MYH13: variants seen among roughly 807,000 people sequenced by gnomAD.
The protein encoded by MYH13 is myosin heavy chain 13, also known as myosin-13.
In MYH13, 177 loss-of-function variants were observed where a neutral mutation model predicts 232.1. That is an observed-to-expected ratio of 0.76 (90% CI 0.67 to 0.86). MYH13 has a LOEUF of 0.86. Among genes scored for constraint, MYH13 ranks in the 40% least tolerant of loss-of-function variants. The pLI, the probability that MYH13 is intolerant of heterozygous loss-of-function variation, is 0.00. For synonymous variants in MYH13, 884 were observed against 923.5 expected (o/e 0.96, Z 0.78); for missense variants, 2,246 against 2,405.9 (o/e 0.93, Z 1.39).
At chr17:10,305,701 T>C (rs1906253549) in intron 37 of MYH13, among the ~76,000 whole-genome samples, 1 of 152,178 alleles carries the variant, frequency 6.6e-6, no homozygotes, top group African/African-American at 2.4e-5. Context: ...GGAGCCCATT[T>C]TAAAATGATT....
intron 7 of MYH13, among the ~76,000 whole-genome samples, chr17:10,359,200 C>T (rs1188618366): frequency 6.6e-6 from 1 of 152,184 alleles, no homozygotes; most frequent in East Asian, 1.9e-4. Context: ...GCCAGGGAAC[C>T]AACCGCGTGA....
chr17:10,307,753 T>A (rs1238605691), intron 35 of MYH13, among the ~76,000 whole-genome samples: 2 of 152,208 alleles, frequency 1.3e-5, no homozygotes, highest in African/African-American at 4.8e-5. Context: ...GACAACCTTG[T>A]TAAAGAACAA....
chr17:10,316,226 C>T (rs1370608194), intron 27 of MYH13, among the ~76,000 whole-genome samples: 2 of 152,244 alleles, frequency 1.3e-5, no homozygotes, highest in South Asian at 2.1e-4. Flanking sequence ...TTTGGGAGGC[C>T]GAGGAGGGTG....
chr17:10,320,649 C>G (rs931699434), intron 24 of MYH13, 153 bp from the exon 25 acceptor site: 1 of 778,032 alleles, frequency 1.3e-6, no homozygotes, highest in African/African-American at 1.8e-5. Context: ...CAAGTCTTGC[C>G]CCTACCTCCC....
rs1184667642 is a variant in MYH13, at chr17:10,307,056, G to A, written c.5178C>T (p.Ser1726=). ...RVQLLHSQNT[S]LINTKKKLEA... is the part of the protein sequence containing the mutation. ...CCAGTTTTTTCTTGGTATTTATCAG[G>A]CTTGTGTTCTACAAGAAGAATTAGA... is the stretch of plus-strand genomic sequence containing the variant. The change falls in exon 36 of 41, where the codon AGC becomes AGT. Residue 1726 remains serine, a synonymous_variant. Transcript: ENST00000252172. 1 of 1,613,784 alleles carries A rather than the reference G, an allele frequency of 6.2e-7. No individual in the cohort carries two copies. The highest frequency in any genetic ancestry group is 8.5e-7 in the Non-Finnish European group (1 of 1,179,874).
intron 30 of MYH13, 42 bp from the exon 31 acceptor site, chr17:10,312,799 A>G: frequency 6.4e-7 from 1 of 1,571,094 alleles, no homozygotes; most frequent in South Asian, 1.2e-5. Context: ...GCAAAGGTGG[A>G]ATATTTCAGT....
Position 10,306,840 on chromosome 17 carries a change from G to T in MYH13, c.5295+99C>A. The T allele has an allele frequency of 2.5e-6, 4 of 1,583,270 alleles. No homozygotes were observed. Among genetic ancestry groups the T allele is most frequent in the Non-Finnish European group, 3.4e-6 (4 of 1,169,904 alleles). On this transcript the variant is annotated intron_variant, in intron 36 of 40. Transcript: ENST00000252172. This position sits in a 1 kb window ranked among gnomAD's most constrained non-coding sequence, Gnocchi z 4.3. ...TCTGGGAAGCCACCACTAACCGATT[G>T]TTGTCATAAGAGATGAAACATACTT...
chr17:10,371,465 C>T (rs891161882), intron 1 of MYH13, among the ~76,000 whole-genome samples: 2 of 152,166 alleles, frequency 1.3e-5, no homozygotes, highest in African/African-American at 2.4e-5. Context: ...TTAATTACAA[C>T]ATTTAATTAA....
chr17:10,363,164 T>G (rs2142275916), intron 3 of MYH13, among the ~76,000 whole-genome samples: 1 of 151,950 alleles, frequency 6.6e-6, no homozygotes, highest in Non-Finnish European at 1.5e-5. Flanking sequence ...GGCTCTGCAC[T>G]CCATGGCTCA....
At chr17:10,327,752 C>A in intron 22 of MYH13, 114 bp downstream of exon 22, 1 of 1,342,904 alleles carries the variant, frequency 7.4e-7, no homozygotes, top group Non-Finnish European at 1.0e-6. Context: ...TCCACATGAC[C>A]ACTGGGTGGC....
chr17:10,321,658 T>G lies in MYH13; in HGVS notation c.2985A>C (p.Lys995Asn), dbSNP rs780799496. 1 of 1,613,794 alleles carries G rather than the reference T, an allele frequency of 6.2e-7. No individual in the cohort carries two copies. Among genetic ancestry groups the G allele is most frequent in the Non-Finnish European group, 8.5e-7 (1 of 1,179,780 alleles). Residue 995 changes from lysine (K) to asparagine (N), a missense_variant, in exon 24 of 41, where the codon AAA becomes AAC. Physicochemically the swap from Lys to Asn is moderately conservative, Grantham distance 94. Coordinates refer to ENST00000252172, the MANE Select transcript of MYH13 (RefSeq NM_003802.3). Reference protein sequence around the residue: ...EMTALEENISKLTKEKKSLQE... With the variant: ...EMTALEENISNLTKEKKSLQE... ...GTAGAGATTTCTTTTCTTTGGTCAATTTGGAAATGTTTTCTTCAAGTGCTG... is the reference window on the plus strand; with the variant it reads ...GTAGAGATTTCTTTTCTTTGGTCAAGTTGGAAATGTTTTCTTCAAGTGCTG...
At chr17:10,305,773 A>G (rs534410765) in intron 37 of MYH13, among the ~76,000 whole-genome samples, 2 of 152,358 alleles carry the variant, frequency 1.3e-5, no homozygotes, top group South Asian at 4.1e-4. Context: ...GGGAACAGTC[A>G]GCAAAGAAAC....
Position 10,345,202 on chromosome 17 carries a change from C to A in MYH13, c.1584G>T (p.Lys528Asn). ...GTCCCAGGCAGCAGTATCTCTCTAC[C>A]TTCTCGATGAGCTCGATGCAGGCAG... ...DLAACIELIEKPMGIFSILEE... is the reference protein window; with the variant it reads ...DLAACIELIENPMGIFSILEE... Residue 528 changes from lysine to asparagine, a missense_variant and splice_region_variant, in exon 15 of 41, where the codon AAG (lysine) becomes AAT (asparagine). Lys to Asn is a moderately conservative substitution (Grantham distance 94). Coordinates refer to ENST00000252172, the MANE Select transcript of MYH13 (RefSeq NM_003802.3). The A allele has an allele frequency of 3.1e-6, 5 of 1,614,080 alleles. No homozygotes were observed. The highest frequency in any genetic ancestry group is 4.2e-6 in the Non-Finnish European group (5 of 1,179,934).
chr17:10,307,726 G>A (rs1437817084), intron 35 of MYH13, among the ~76,000 whole-genome samples: 1 of 152,148 alleles, frequency 6.6e-6, no homozygotes, highest in Non-Finnish European at 1.5e-5. Context: ...CGTTTCCCCA[G>A]TGGAAATAAA....
Position 10,312,770 on chromosome 17 carries a change from G to T in MYH13, c.4182-13C>A. Reference sequence around the variant, plus strand: ...GGCCAGTTTTTTCCTACGAAAACCAGATTTTTTTTTTCCCCTTCGCAAAGG... The same window carrying T: ...GGCCAGTTTTTTCCTACGAAAACCATATTTTTTTTTTCCCCTTCGCAAAGG... On this transcript the variant is annotated splice_polypyrimidine_tract_variant and intron_variant, in intron 30 of 40. Coordinates refer to ENST00000252172, the MANE Select transcript of MYH13 (RefSeq NM_003802.3). 6.3e-7 allele frequency: 1 copy of T among 1,599,788 alleles called. No homozygotes were observed. Among genetic ancestry groups the T allele is most frequent in the Non-Finnish European group, 8.5e-7 (1 of 1,175,020 alleles).
In MYH13 at chr17:10,313,362, T is replaced by A; in HGVS notation, c.3985-8A>T. The stretch of plus-strand genomic sequence containing the variant: ...CGCCATGGCGTTCTTGGCCTGGGAA[T>A]GACAGCGGTGACAAATTGCAAAAAC... On this transcript the variant is annotated splice_region_variant and splice_polypyrimidine_tract_variant and intron_variant, in intron 29 of 40. Coordinates refer to ENST00000252172, the MANE Select transcript of MYH13 (RefSeq NM_003802.3). The A allele has an allele frequency of 6.2e-7, 1 of 1,614,218 alleles. No homozygotes were observed.
intron 2 of MYH13, among the ~76,000 whole-genome samples, chr17:10,367,428 A>AACCTCC (rs2071846136): frequency 6.6e-6 from 1 of 152,156 alleles, no homozygotes; most frequent in South Asian, 2.1e-4. Flanking sequence ...AGCTCACTGC[A>AACCTCC]ACCTCCACCT....
At position 10,309,734 on chromosome 17, in the gene MYH13, C is replaced by A; in HGVS notation, c.4753G>T (p.Glu1585Ter). Residue 1585 changes from glutamate to a stop codon, truncating the protein, a stop_gained, in exon 34 of 41, where the codon GAA (glutamate) becomes TAA (stop). Coordinates refer to ENST00000252172, the MANE Select transcript of MYH13 (RefSeq NM_003802.3). LOFTEE classifies it high-confidence loss of function. ...TTTCTTTTTAGCTGCTCGATTTCTT[C>A]ATCCTTCTCAATGACCTTGCGGTCT... ...ELDRKVIEKDEEIEQLKRNSQ... is the reference protein window; with the variant it reads ...ELDRKVIEKD 1 of 1,602,722 alleles carries A rather than the reference C, an allele frequency of 6.2e-7. No homozygotes were observed. The highest frequency in any genetic ancestry group is 8.5e-7 in the Non-Finnish European group (1 of 1,174,492).
At chr17:10,344,734 T>C (rs949941046) in intron 15 of MYH13, among the ~76,000 whole-genome samples, 2 of 147,932 alleles carry the variant, frequency 1.4e-5, no homozygotes, top group African/African-American at 5.1e-5. Flanking sequence ...GGCAGGAGGA[T>C]CGCTTGAACC....
Sources: allele counts gnomAD v4.1 joint callset (sites outside exome capture counted in the v4.1 genomes callset), GRCh38; gene constraint gnomAD v4.1.1; non-coding constraint Gnocchi (gnomAD v3.1); transcripts MANE v1.5; gene names NCBI Gene and HGNC (gene_info 2026-07-23, HGNC 2026-07-21).